Variants in CACNA1E observed in about 807,000 individuals in gnomAD.
The protein encoded by CACNA1E is voltage-dependent R-type calcium channel subunit alpha-1E.
A neutral mutation model predicts 259.2 loss-of-function variants in CACNA1E; 40 were observed. The observed-to-expected ratio is 0.15, with a 90% CI of 0.12 to 0.20. The LOEUF is 0.20. Among genes scored for constraint, CACNA1E ranks in the 10% least tolerant of loss-of-function variants. The pLI is 1.00. For synonymous variants in CACNA1E, 1,104 were observed against 1,138.5 expected, an observed-to-expected ratio of 0.97 and a Z score of 0.61; for missense variants, 1,874 against 3,040.1, an observed-to-expected ratio of 0.62 and a Z score of 9.02.
chr1:181,379,236 C>A (rs528289495), intron 1 of CACNA1E, among the ~76,000 whole-genome samples: 1 of 151,968 alleles, frequency 6.6e-6, no homozygotes, highest in South Asian at 2.1e-4. Flanking sequence ...CTTTGGGCAG[C>A]CTGGTATATA....
chr1:181,437,990 A>G (rs1438993701), intron 2 of CACNA1E, among the ~76,000 whole-genome samples: 1 of 152,146 alleles, frequency 6.6e-6, no homozygotes, highest in Non-Finnish European at 1.5e-5. Context: ...GGAACTTTTG[A>G]CTTATGCCAT....
chr1:181,667,995 A>T (rs992313911), intron 7 of CACNA1E, among the ~76,000 whole-genome samples: 1 of 152,174 alleles, frequency 6.6e-6, no homozygotes, highest in African/African-American at 2.4e-5. Flanking sequence ...GAAAATTGAC[A>T]CTGGTGCAAT....
At chr1:181,436,842 C>T (rs1024143132) in intron 2 of CACNA1E, among the ~76,000 whole-genome samples, 10 of 151,918 alleles carry the variant, frequency 6.6e-5, no homozygotes, top group African/African-American at 1.2e-4. Flanking sequence ...TTCAAAATTG[C>T]GAAAACAGTA....
chr1:181,800,391 CAGA>C lies in CACNA1E; in HGVS notation c.*1560_*1562del, dbSNP rs1366327307. On this transcript the variant is annotated 3_prime_UTR_variant, in exon 48 of 48. Transcript: ENST00000367573. The stretch of plus-strand genomic sequence containing the variant: ...CCTGTCATTCCTAATAGCCCAAACG[CAGA>C]AGCACTGAGCAAGAGAGCCCTTTCT... 1 of 152,654 alleles carries C rather than the reference CAGA, an allele frequency of 6.6e-6. No homozygotes were observed. Among genetic ancestry groups the C allele is most frequent in the Non-Finnish European group, 1.5e-5 (1 of 68,064 alleles). 9.5% of individuals were successfully genotyped at this position (152,654 alleles called of 1,614,324 possible).
At chr1:181,391,197 GT>G (rs1295919999) in intron 1 of CACNA1E, among the ~76,000 whole-genome samples, 11 of 152,178 alleles carry the variant, frequency 7.2e-5, no homozygotes, top group African/African-American at 2.7e-4. Flanking sequence ...CCTAAGGGTG[GT>G]TTAAAATTCT....
At position 181,781,413 on chromosome 1, in the gene CACNA1E, C is replaced by T. The variant is rs905630988; in HGVS notation, c.5268-14C>T. The T allele has an allele frequency of 5.5e-6, 8 of 1,447,522 alleles. No homozygotes were observed. The highest frequency in any genetic ancestry group is 1.8e-5 in the Admixed American group (1 of 54,392). 89.7% of individuals were successfully genotyped at this position (1,447,522 alleles called of 1,614,324 possible). A position where few individuals can be genotyped will look rare whatever the true frequency, so the allele number is the denominator to read the frequency against. On this transcript the variant is annotated splice_polypyrimidine_tract_variant and intron_variant, in intron 38 of 47. Transcript: ENST00000367573. ...TAACCCACCCCATCCCAACTCACCA[C>T]CCTCCATGAGCAGTGGCCGCATCCA...
chr1:181,773,164 C>G (rs1459986937), intron 37 of CACNA1E, among the ~76,000 whole-genome samples: 1 of 152,190 alleles, frequency 6.6e-6, no homozygotes, highest in Non-Finnish European at 1.5e-5. Flanking sequence ...GCATTGCTAC[C>G]TTGCAAGTGA....
chr1:181,576,882 G>A (rs879449333), intron 3 of CACNA1E, among the ~76,000 whole-genome samples: 6 of 152,116 alleles, frequency 3.9e-5, no homozygotes, highest in Non-Finnish European at 8.8e-5. Context: ...ACTAGACCAC[G>A]ATACCCCCTT....
intron 6 of CACNA1E, among the ~76,000 whole-genome samples, chr1:181,605,688 G>T (rs1654168306): frequency 6.6e-6 from 1 of 152,202 alleles, no homozygotes; most frequent in Non-Finnish European, 1.5e-5. Flanking sequence ...ACTGCCCAGA[G>T]TCTGGGAGGC....
intron 1 of CACNA1E, among the ~76,000 whole-genome samples, chr1:181,493,107 A>T (rs1271970908): frequency 6.6e-6 from 1 of 152,196 alleles, no homozygotes; most frequent in Non-Finnish European, 1.5e-5. Flanking sequence ...CATCTGGTTG[A>T]TGCTATAGAC....
At chr1:181,722,203 C>T (rs184852483) in intron 16 of CACNA1E, among the ~76,000 whole-genome samples, 1 of 152,264 alleles carries the variant, frequency 6.6e-6, no homozygotes, top group East Asian at 1.9e-4. Context: ...GAAAGAGGCA[C>T]ATTATACCAC....
At chr1:181,429,934 G>C (rs1418511267) in intron 2 of CACNA1E, among the ~76,000 whole-genome samples, 1 of 152,202 alleles carries the variant, frequency 6.6e-6, no homozygotes, top group Non-Finnish European at 1.5e-5. Flanking sequence ...ATGGCAACTG[G>C]GCGGGCAGGT....
chr1:181,538,323 AC>A (rs1668326873), intron 3 of CACNA1E, among the ~76,000 whole-genome samples: 1 of 152,234 alleles, frequency 6.6e-6, no homozygotes, highest in African/African-American at 2.4e-5. Context: ...AAGGGAACTT[AC>A]ATTCTAATTT....
At chr1:181,568,800 T>C (rs1471351312) in intron 3 of CACNA1E, among the ~76,000 whole-genome samples, 1 of 152,186 alleles carries the variant, frequency 6.6e-6, no homozygotes, top group Non-Finnish European at 1.5e-5. Context: ...AGATAGGTTC[T>C]TGTCATGTTG....
At chr1:181,722,197 G>A (rs1050856566) in intron 16 of CACNA1E, among the ~76,000 whole-genome samples, 8 of 152,194 alleles carry the variant, frequency 5.3e-5, no homozygotes, top group African/African-American at 1.7e-4. Flanking sequence ...TAGGCTGAAA[G>A]AGGCACATTA....
At chr1:181,643,323 A>G (rs1437584645) in intron 6 of CACNA1E, among the ~76,000 whole-genome samples, 3 of 152,214 alleles carry the variant, frequency 2.0e-5, no homozygotes, top group African/African-American at 7.2e-5. Context: ...TAAATATCAC[A>G]TGACATCAAT....
In CACNA1E at chr1:181,752,785, C is replaced by A. The variant is rs145776967; in HGVS notation, c.3828+546C>A. On this transcript the variant is annotated intron_variant, in intron 27 of 47. Transcript: ENST00000367573. The stretch of plus-strand genomic sequence containing the variant: ...AGAGAAGAAATGGGAAGTGAGCTGA[C>A]ATGAATTAAGTTCTTCCTATTGCCA... 5.5e-3 allele frequency among the ~76,000 whole-genome samples: 843 copies of A among 152,320 alleles called. 1 individual carries two copies. The highest frequency in any genetic ancestry group is 0.01 in the Middle Eastern group (3 of 294).
chr1:181,627,661 C>T (rs1656323814), intron 6 of CACNA1E, among the ~76,000 whole-genome samples: 1 of 152,134 alleles, frequency 6.6e-6, no homozygotes, highest in South Asian at 2.1e-4. Context: ...TAAGGGAATG[C>T]TGTATAAGCA....
intron 25 of CACNA1E, among the ~76,000 whole-genome samples, chr1:181,747,306 T>C (rs749728626): frequency 2.0e-5 from 3 of 152,238 alleles, no homozygotes; most frequent in East Asian, 1.9e-4. Flanking sequence ...CTTGAGAGCA[T>C]GTCCTTTGAG....
Sources: gnomAD v4.1 joint callset for allele counts (sites outside exome capture counted in the v4.1 genomes callset) on GRCh38, gnomAD v4.1.1 for gene constraint, MANE v1.5 for transcripts, NCBI Gene and HGNC (gene_info 2026-07-23, HGNC 2026-07-21) for gene names.